Variants in MRNIP observed in about 807,000 individuals in gnomAD.
The protein encoded by MRNIP is MRN complex-interacting protein.
In MRNIP, 30 loss-of-function variants were observed where a neutral mutation model predicts 29.8. The observed-to-expected ratio is 1.01, with a 90% confidence interval of 0.75 to 1.36. The LOEUF (loss-of-function observed/expected upper bound fraction) is 1.36, where lower values mean the gene tolerates loss of function less well. MRNIP is among the 40% of genes most tolerant of loss of function. The probability of loss-of-function intolerance (pLI) is 0.00; values close to 1 mark genes in which losing one functional copy is unlikely to be tolerated. For missense variants in MRNIP, 459 were observed against 423.5 expected, an observed-to-expected ratio of 1.08 and a Z score of -0.74; for synonymous variants, 201 against 164.1, an observed-to-expected ratio of 1.23 and a Z score of -1.72.
rs755533137 is a variant in MRNIP, at chr5:179,837,474, G to A, written c.949C>T (p.Leu317=). ...ARTPWAEGGP[L]VLEAQNPRPT... ...CGAGGATTCTGTGCCTCCAGGACCA[G>A]GGGCCCACCCTCTGCCCAGGGAGTC... Residue 317 remains leucine (L), a synonymous_variant, in exon 7 of 7, where the codon CTG becomes TTG. Transcript: ENST00000292586. 6.2e-6 allele frequency: 10 copies of A among 1,613,574 alleles called. No homozygotes were observed. Among genetic ancestry groups the A allele is most frequent in the Non-Finnish European group, 7.6e-6 (9 of 1,179,726 alleles).
At chr5:179,854,769 A>G (rs1759511879) in intron 1 of MRNIP, among the ~76,000 whole-genome samples, 1 of 151,018 alleles carries the variant, frequency 6.6e-6, no homozygotes, top group East Asian at 1.9e-4. Context: ...ATTCCATAAT[A>G]TTTAAATTCT....
rs1382487941 is a variant in MRNIP at position 179,837,649 on chromosome 5, A to G, written c.774T>C (p.Gly258=). ...RSLQRDPRPA[G]PAQAKQGTPR... is the part of the protein sequence containing the mutation. ...GGGTCCCTTGCTTAGCCTGTGCTGG[A>G]CCAGCTGGCCTGGGGTCCCTCTGAA... is the stretch of plus-strand genomic sequence containing the variant. Residue 258 remains glycine, a synonymous_variant, in exon 7 of 7, where the codon GGT becomes GGC. Coordinates refer to ENST00000292586, the MANE Select transcript of MRNIP (RefSeq NM_016175.4). 1.9e-6 allele frequency: 3 copies of G among 1,614,154 alleles called. No individual in the cohort carries two copies. Among genetic ancestry groups the G allele is most frequent in the African/African-American group, 1.3e-5 (1 of 75,046 alleles).
intron 2 of MRNIP, among the ~76,000 whole-genome samples, chr5:179,849,458 T>C (rs1759264864): frequency 6.8e-6 from 1 of 146,992 alleles, no homozygotes; most frequent in Non-Finnish European, 1.5e-5. Context: ...GAGACGGAAT[T>C]TGAGAGCATG....
chr5:179,848,152 A>C (rs1377694625), intron 2 of MRNIP, 86 bp from the exon 3 acceptor site: 3 of 1,008,156 alleles, frequency 3.0e-6, no homozygotes, highest in East Asian at 2.4e-5. Flanking sequence ...CTCAGGGAGG[A>C]CAAAGCTGTA....
intron 3 of MRNIP, chr5:179,844,457 G>C: frequency 2.2e-6 from 1 of 456,114 alleles, no homozygotes; most frequent in Non-Finnish European, 4.0e-6. Flanking sequence ...AGTGAGCCAA[G>C]ATTGCTGGAA....
In MRNIP at chr5:179,847,916, T is replaced by A. The variant is rs1025738843; in HGVS notation, c.215+62A>T. On this transcript the variant is annotated intron_variant, in intron 3 of 6. Transcript: ENST00000292586. ...CAGCTCAGGATTTCCACTGTGTACT[T>A]CTATTATCCAGTCAAGACGAAAACA... 10 of 1,117,406 alleles carry A rather than the reference T, an allele frequency of 8.9e-6. No individual in the cohort carries two copies. The Admixed American group carries it at 1.7e-4, about 19-fold the overall frequency. 69.2% of individuals were successfully genotyped at this position (1,117,406 alleles called of 1,614,324 possible).
At chr5:179,856,817 C>T (rs1759602122) in intron 1 of MRNIP, among the ~76,000 whole-genome samples, 1 of 152,018 alleles carries the variant, frequency 6.6e-6, no homozygotes, top group African/African-American at 2.4e-5. Context: ...GGGTCAGGGG[C>T]GCTGGCTCAC....
At position 179,837,803 on chromosome 5, in the gene MRNIP, T is replaced by TC. The variant is rs1165868817; in HGVS notation, c.619dup (p.Glu207GlyfsTer22). 3.7e-6 allele frequency: 6 copies of TC among 1,613,898 alleles called. No individual in the cohort carries two copies. The Admixed American group carries it at 8.3e-5, about 22-fold the overall frequency. ...TAGCTCCTTCCCAGGACCCCTCAGCTCCCCGGCACTGCAGTCTGCAGAGTT... is the reference window on the plus strand; with the variant it reads ...TAGCTCCTTCCCAGGACCCCTCAGCTCCCCCGGCACTGCAGTCTGCAGAGTT... On this transcript the variant is annotated frameshift_variant, in exon 7 of 7. Transcript: ENST00000292586. LOFTEE classifies it low-confidence loss of function (END_TRUNC).
At chr5:179,857,233 C>A (rs1759626865) in intron 1 of MRNIP, among the ~76,000 whole-genome samples, 1 of 152,188 alleles carries the variant, frequency 6.6e-6, no homozygotes, top group South Asian at 2.1e-4. Flanking sequence ...GAGGCCGAGG[C>A]GGGCAGATCA....
Position 179,848,004 on chromosome 5 carries a change from C to T in MRNIP, c.189G>A (p.Gln63=). The T allele has an allele frequency of 6.2e-7, 1 of 1,613,534 alleles. No homozygotes were observed. The change falls in exon 3 of 7, where the codon CAG becomes CAA. Residue 63 remains glutamine (Q), a synonymous_variant. Coordinates refer to ENST00000292586, the MANE Select transcript of MRNIP (RefSeq NM_016175.4). ...RRHVQKLNLL[Q]GQVSELPLRS... is the part of the protein sequence containing the mutation. ...TGAGTGGCAGCTCTGAAACTTGTCCCTGTAGTAGATTTAACTTTTGGACAT... is the reference window on the plus strand; with the variant it reads ...TGAGTGGCAGCTCTGAAACTTGTCCTTGTAGTAGATTTAACTTTTGGACAT...
chr5:179,849,867 CGGGTCCCGCT>C (rs1561620754), intron 2 of MRNIP, among the ~76,000 whole-genome samples: 59 of 39,920 alleles, frequency 1.5e-3, no homozygotes, highest in African/African-American at 3.4e-3. Context: ...TTTGAGAGTA[CGGGTCCCGCT>C]ATGGCACAGG....
chr5:179,850,471 G>C (rs1191390609), intron 2 of MRNIP, among the ~76,000 whole-genome samples: 1 of 152,224 alleles, frequency 6.6e-6, no homozygotes, highest in Non-Finnish European at 1.5e-5. Flanking sequence ...GAGCATTCTT[G>C]ATGTCCCGTG....
At chr5:179,853,690 TA>T (rs1357096820) in intron 1 of MRNIP, among the ~76,000 whole-genome samples, 1 of 152,070 alleles carries the variant, frequency 6.6e-6, no homozygotes, top group Non-Finnish European at 1.5e-5. Context: ...GAGAATCGCT[TA>T]AACCTGGGAG....
chr5:179,847,793 T>C (rs1238799441), intron 3 of MRNIP, 185 bp downstream of exon 3: 2 of 555,972 alleles, frequency 3.6e-6, no homozygotes, highest in African/African-American at 1.9e-5. Flanking sequence ...GCCCCAGTAT[T>C]CTAAACATCC....
chr5:179,849,103 G>A (rs569031064), intron 2 of MRNIP, among the ~76,000 whole-genome samples: 2 of 149,458 alleles, frequency 1.3e-5, no homozygotes, highest in East Asian at 2.0e-4. Flanking sequence ...GGTACGAGAC[G>A]GAATTTGAGA....
intron 4 of MRNIP, among the ~76,000 whole-genome samples, chr5:179,842,699 C>CAAAAAAAAAAAAAAA (rs58952171): frequency 3.1e-4 from 9 of 28,998 alleles, no homozygotes; most frequent in African/African-American, 8.7e-4. Flanking sequence ...GACTCCGTCT[C>CAAAAAAAAAAAAAAA]AAAAAAAAAA....
chr5:179,846,318 T>C (rs1265687309), intron 3 of MRNIP, among the ~76,000 whole-genome samples: 1 of 151,494 alleles, frequency 6.6e-6, no homozygotes, highest in African/African-American at 2.4e-5. Context: ...GGAGTCTCAC[T>C]CTATTGGCAG....
intron 2 of MRNIP, chr5:179,853,141 G>T: frequency 8.3e-7 from 1 of 1,209,214 alleles, no homozygotes; most frequent in Non-Finnish European, 1.2e-6. Context: ...CCTTGTGCTT[G>T]GCACACAGAA....
chr5:179,846,881 G>A (rs1248973643), intron 3 of MRNIP, among the ~76,000 whole-genome samples: 2 of 152,116 alleles, frequency 1.3e-5, no homozygotes, highest in African/African-American at 2.4e-5. Flanking sequence ...GTTAGGAGGT[G>A]TCCTACTGGT....
Sources: allele counts gnomAD v4.1 joint callset (sites outside exome capture counted in the v4.1 genomes callset), GRCh38; gene constraint gnomAD v4.1.1; transcripts MANE v1.5; gene names NCBI Gene and HGNC (gene_info 2026-07-23, HGNC 2026-07-21).